ABCC1: variants seen among roughly 807,000 people sequenced by gnomAD.
ABCC1 encodes ATP binding cassette subfamily C member 1 (ABCC1 blood group), also known as multidrug resistance-associated protein 1.
A neutral mutation model predicts 172.9 loss-of-function variants in ABCC1; 83 were observed. The ratio of observed to expected loss-of-function variants is 0.48; its 90% confidence interval spans 0.40 to 0.58. The LOEUF is 0.58. Ranked by LOEUF, ABCC1 falls within the 20% of genes least tolerant of loss-of-function variation. The pLI, the probability that ABCC1 is intolerant of heterozygous loss-of-function variation, is 0.00. For synonymous variants in ABCC1, 937 were observed against 825.2 expected, an observed-to-expected ratio of 1.14 and a Z score of -2.32; for missense variants, 1,817 against 2,002.7, an observed-to-expected ratio of 0.91 and a Z score of 1.77.
intron 1 of ABCC1, among the ~76,000 whole-genome samples, chr16:16,001,593 A>G (rs1179919638): frequency 6.6e-6 from 1 of 152,148 alleles, no homozygotes; most frequent in Non-Finnish European, 1.5e-5. Flanking sequence ...TATTAATGCA[A>G]ATATCTAAGT....
intron 7 of ABCC1, among the ~76,000 whole-genome samples, chr16:16,037,208 T>C (rs2048790803): frequency 6.6e-6 from 1 of 152,228 alleles, no homozygotes; most frequent in African/African-American, 2.4e-5. Flanking sequence ...TCTGTCTCTT[T>C]CTGAGCATCT....
chr16:15,984,740 G>A (rs942134082), intron 1 of ABCC1, among the ~76,000 whole-genome samples: 7 of 151,972 alleles, frequency 4.6e-5, no homozygotes, highest in African/African-American at 1.5e-4. Flanking sequence ...CACCGCGCCC[G>A]GCCTATATAT....
chr16:16,129,520 G>A (rs2045589723), intron 26 of ABCC1, among the ~76,000 whole-genome samples: 1 of 151,152 alleles, frequency 6.6e-6, no homozygotes, highest in South Asian at 2.1e-4. Context: ...TGTTGGCGGT[G>A]GTGGTGGGGT....
At chr16:15,983,335 A>G (rs2046670796) in intron 1 of ABCC1, among the ~76,000 whole-genome samples, 3 of 152,172 alleles carry the variant, frequency 2.0e-5, no homozygotes, top group African/African-American at 7.2e-5. Context: ...AGTTGTGGGG[A>G]TTGTGATCCA....
chr16:15,964,802 A>T (rs2046209301), intron 1 of ABCC1, among the ~76,000 whole-genome samples: 1 of 151,992 alleles, frequency 6.6e-6, no homozygotes, highest in Non-Finnish European at 1.5e-5. Flanking sequence ...AAAGTTTGTT[A>T]ATTTGATAGC....
chr16:15,950,766 CTTTTG>C (rs569311790), intron 1 of ABCC1, among the ~76,000 whole-genome samples: 3 of 152,256 alleles, frequency 2.0e-5, no homozygotes, highest in Admixed American at 1.3e-4. Flanking sequence ...TCTCTCTCCT[CTTTTG>C]TTTAGGAATC....
Position 16,083,360 on chromosome 16 carries a change from A to G in ABCC1, c.2116-6A>G. On this transcript the variant is annotated splice_region_variant and splice_polypyrimidine_tract_variant and intron_variant, in intron 16 of 30. Transcript: ENST00000399410. ...TGTCTCACCTCGTTCTCCATTTGCAACTTAGGGCTCCGTGGCCTATGTGCC... is the reference window on the plus strand; with the variant it reads ...TGTCTCACCTCGTTCTCCATTTGCAGCTTAGGGCTCCGTGGCCTATGTGCC... 1.2e-6 allele frequency: 2 copies of G among 1,612,542 alleles called. No homozygotes were observed. Among genetic ancestry groups the G allele is most frequent in the South Asian group, 1.1e-5 (1 of 90,988 alleles).
intron 5 of ABCC1, among the ~76,000 whole-genome samples, chr16:16,019,312 C>T (rs2048115572): frequency 6.6e-6 from 1 of 152,056 alleles, no homozygotes. Context: ...CCATCTTGGC[C>T]CGGCTGGTCT....
intron 6 of ABCC1, 24 bp downstream of exon 6, chr16:16,033,194 C>T: frequency 6.2e-7 from 1 of 1,608,052 alleles, no homozygotes; most frequent in South Asian, 1.1e-5. Flanking sequence ...CCCCAGACCT[C>T]AGGGAGGTGG....
chr16:16,027,868 A>C (rs564369554), intron 5 of ABCC1, among the ~76,000 whole-genome samples: 2 of 152,272 alleles, frequency 1.3e-5, no homozygotes, highest in East Asian at 3.9e-4. Flanking sequence ...GGCTACTGTC[A>C]CTGCTTCTAT....
intron 19 of ABCC1, among the ~76,000 whole-genome samples, chr16:16,100,906 C>T (rs898976964): frequency 1.3e-5 from 2 of 152,218 alleles, no homozygotes; most frequent in African/African-American, 2.4e-5. Flanking sequence ...ATCACAGTTC[C>T]TGGAGCTCTA....
At chr16:16,034,424 G>A (rs1015765757) in intron 6 of ABCC1, among the ~76,000 whole-genome samples, 3 of 152,130 alleles carry the variant, frequency 2.0e-5, no homozygotes, top group Non-Finnish European at 2.9e-5. Context: ...GACAGTTGAT[G>A]TAATTTGTTC....
At chr16:15,990,432 C>T (rs1017843981) in intron 1 of ABCC1, among the ~76,000 whole-genome samples, 2 of 152,158 alleles carry the variant, frequency 1.3e-5, no homozygotes, top group African/African-American at 2.4e-5. Flanking sequence ...ACTGACTCAT[C>T]TTGTATGACC....
At chr16:16,019,188 C>T (rs2048111138) in intron 5 of ABCC1, among the ~76,000 whole-genome samples, 1 of 151,912 alleles carries the variant, frequency 6.6e-6, no homozygotes, top group Non-Finnish European at 1.5e-5. Context: ...CACTGCAACC[C>T]CGCCTCCTGG....
At chr16:15,995,977 GTTTTTTTTT>G (rs565769136) in intron 1 of ABCC1, among the ~76,000 whole-genome samples, 47 of 98,612 alleles carry the variant, frequency 4.8e-4, no homozygotes, top group Admixed American at 6.0e-4. Flanking sequence ...GCCCAGCTAA[GTTTTTTTTT>G]TTTTTTTTTT....
intron 5 of ABCC1, among the ~76,000 whole-genome samples, chr16:16,018,892 C>T (rs2151775100): frequency 6.6e-6 from 1 of 152,110 alleles, no homozygotes; most frequent in East Asian, 1.9e-4. Flanking sequence ...AATCCCAGCA[C>T]TTTGAAAGGC....
chr16:16,059,990 C>G (rs991924464), intron 12 of ABCC1, among the ~76,000 whole-genome samples: 1 of 151,988 alleles, frequency 6.6e-6, no homozygotes, highest in Non-Finnish European at 1.5e-5. Context: ...GAACAAGACT[C>G]TGTCTCAAAA....
At chr16:16,005,626 G>A (rs1052327699) in intron 1 of ABCC1, among the ~76,000 whole-genome samples, 7 of 152,104 alleles carry the variant, frequency 4.6e-5, no homozygotes, top group Non-Finnish European at 7.4e-5. Flanking sequence ...GATGACAGGC[G>A]TGAGCCACTG....
chr16:15,965,028 C>T lies in ABCC1; in HGVS notation c.48+15229C>T, dbSNP rs192043545. On this transcript the variant is annotated intron_variant, in intron 1 of 30. Transcript: ENST00000399410. ...CCTGTATTGTATAAATATTTTGTTACAGGCTATTGTTTTCCTATTGGCATA... is the reference window on the plus strand; with the variant it reads ...CCTGTATTGTATAAATATTTTGTTATAGGCTATTGTTTTCCTATTGGCATA... Among the ~76,000 whole-genome samples the T allele has an allele frequency of 9.9e-5, 15 of 152,210 alleles. No homozygotes were observed. The East Asian group carries it at 2.7e-3, about 27-fold the overall frequency.
Sources: gnomAD v4.1 joint callset for allele counts (sites outside exome capture counted in the v4.1 genomes callset) on GRCh38, gnomAD v4.1.1 for gene constraint, MANE v1.5 for transcripts, NCBI Gene and HGNC (gene_info 2026-07-23, HGNC 2026-07-21) for gene names.